The following AHCYL2 variants were observed in gnomAD, a reference collection of about 807,000 sequenced individuals.
AHCYL2 encodes the protein S-adenosylhomocysteine hydrolase-like protein 2.
AHCYL2 carries 28 observed loss-of-function variants against 81.4 expected under a neutral mutation model. The ratio of observed to expected loss-of-function variants is 0.34; its 90% CI spans 0.25 to 0.47. The LOEUF is 0.47. Among genes scored for constraint, AHCYL2 ranks in the 20% least tolerant of loss-of-function variants. The pLI, the probability that AHCYL2 is intolerant of heterozygous loss-of-function variation, is 1.00. For missense variants in AHCYL2, 551 were observed against 785.1 expected (o/e 0.70, Z 3.56); for synonymous variants, 272 against 290.2 (o/e 0.94, Z 0.64).
At chr7:129,343,513 G>A (rs1331639360) in intron 1 of AHCYL2, among the ~76,000 whole-genome samples, 1 of 152,136 alleles carries the variant, frequency 6.6e-6, no homozygotes, top group African/African-American at 2.4e-5. Context: ...AGAGCAATGG[G>A]AAGTTCCAGA....
intron 1 of AHCYL2, among the ~76,000 whole-genome samples, chr7:129,321,307 G>C (rs1314744360): frequency 6.6e-6 from 1 of 152,152 alleles, no homozygotes; most frequent in East Asian, 1.9e-4. Flanking sequence ...ATTTGTTGTA[G>C]ATGTTCTGTA....
At position 129,403,529 on chromosome 7, in the gene AHCYL2, A is replaced by G. The variant is rs111443622; in HGVS notation, c.1025+44A>G. Reference sequence around the variant, plus strand: ...ATACCTGGTTTTATGCAGTCTAGACATAAAATCTTATAAACACATACCTAT... The same window carrying G: ...ATACCTGGTTTTATGCAGTCTAGACGTAAAATCTTATAAACACATACCTAT... On this transcript the variant is annotated intron_variant, in intron 7 of 16. Coordinates refer to ENST00000325006, the MANE Select transcript of AHCYL2 (RefSeq NM_015328.4). The G allele has an allele frequency of 6.1e-5, 83 of 1,365,762 alleles. No individual in the cohort carries two copies. The African/African-American group carries it at 1.1e-3, about 18-fold the overall frequency. 84.6% of individuals were successfully genotyped at this position (1,365,762 alleles called of 1,614,324 possible). A position where few individuals can be genotyped will look rare whatever the true frequency, so the allele number is the denominator to read the frequency against.
Position 129,225,106 on chromosome 7 carries a change from T to C in AHCYL2, c.30T>C (p.Ala10=), listed in dbSNP as rs753132099. ...CGGTGCAGGTTGTGTCAGCCGCGGCTGCCGCCAAGGTGCCTGAGGTGGAGC... is the reference window on the plus strand; with the variant it reads ...CGGTGCAGGTTGTGTCAGCCGCGGCCGCCGCCAAGGTGCCTGAGGTGGAGC... MSVQVVSAA[A]AAKVPEVELK... Residue 10 remains alanine (A), a synonymous_variant, in exon 1 of 17, where the codon GCT becomes GCC. Coordinates refer to ENST00000325006, the MANE Select transcript of AHCYL2 (RefSeq NM_015328.4). The C allele has an allele frequency of 1.9e-6, 3 of 1,598,862 alleles. No individual in the cohort carries two copies. Among genetic ancestry groups the C allele is most frequent in the Non-Finnish European group, 2.6e-6 (3 of 1,174,076 alleles).
chr7:129,329,992 T>A (rs186682901), intron 1 of AHCYL2, among the ~76,000 whole-genome samples: 12 of 152,204 alleles, frequency 7.9e-5, no homozygotes, highest in African/African-American at 2.4e-4. Context: ...AAACCTTTTT[T>A]AAAAATTTAA....
intron 11 of AHCYL2, among the ~76,000 whole-genome samples, chr7:129,411,023 C>A (rs1161065653): frequency 6.6e-6 from 1 of 151,870 alleles, no homozygotes; most frequent in Non-Finnish European, 1.5e-5. Flanking sequence ...CCTCTGCTTC[C>A]CAAAGTGATG....
chr7:129,293,854 G>A (rs774975978), intron 1 of AHCYL2, among the ~76,000 whole-genome samples: 15 of 152,142 alleles, frequency 9.9e-5, no homozygotes, highest in Non-Finnish European at 1.6e-4. Context: ...GTATGAATTT[G>A]TATATAGTAT....
At chr7:129,345,316 G>A (rs950489750) in intron 1 of AHCYL2, among the ~76,000 whole-genome samples, 4 of 152,192 alleles carry the variant, frequency 2.6e-5, no homozygotes, top group Admixed American at 2.0e-4. Flanking sequence ...TGAAGAAGTT[G>A]AGGGGACAAA....
chr7:129,369,741 G>C (rs1357869746), intron 1 of AHCYL2, among the ~76,000 whole-genome samples: 1 of 152,028 alleles, frequency 6.6e-6, no homozygotes, highest in East Asian at 1.9e-4. Context: ...TGGTGGAGAT[G>C]GGGTTTCACC....
intron 1 of AHCYL2, among the ~76,000 whole-genome samples, chr7:129,356,402 A>G (rs1250304516): frequency 1.3e-5 from 2 of 152,282 alleles, no homozygotes; most frequent in South Asian, 2.1e-4. Context: ...ATGTTCCTCA[A>G]TTCTCCTACA....
intron 1 of AHCYL2, among the ~76,000 whole-genome samples, chr7:129,255,580 G>T (rs1164987374): frequency 6.6e-6 from 1 of 152,214 alleles, no homozygotes; most frequent in Non-Finnish European, 1.5e-5. Flanking sequence ...GTGTGTGTGT[G>T]TATGTGCGTG....
intron 15 of AHCYL2, 90 bp downstream of exon 15, chr7:129,425,231 ATGGGGG>A: frequency 2.6e-6 from 3 of 1,152,788 alleles, no homozygotes; most frequent in South Asian, 1.3e-5. Context: ...TTACTTAAGG[ATGGGGG>A]AAAAAAGGTA....
rs1171806901 is a variant in AHCYL2 at position 129,428,675 on chromosome 7, C to T, written c.*1630C>T. The T allele has an allele frequency of 6.6e-6, 1 of 152,214 alleles. No homozygotes were observed. Among genetic ancestry groups the T allele is most frequent in the Non-Finnish European group, 1.5e-5 (1 of 68,052 alleles). 9.4% of individuals were successfully genotyped at this position (152,214 alleles called of 1,614,324 possible). A position where few individuals can be genotyped will look rare whatever the true frequency, so the allele number is the denominator to read the frequency against. On this transcript the variant is annotated 3_prime_UTR_variant, in exon 17 of 17. Coordinates refer to ENST00000325006, the MANE Select transcript of AHCYL2 (RefSeq NM_015328.4). ...TCTCTTCTTCTACCTCTACCCTCTC[C>T]AACTTCTCCTGGTCTTCACATATAC...
chr7:129,361,543 T>C (rs1793930471), intron 1 of AHCYL2, among the ~76,000 whole-genome samples: 1 of 152,216 alleles, frequency 6.6e-6, no homozygotes, highest in Admixed American at 6.5e-5. Context: ...GAATTCTTCA[T>C]GTATAAGAAG....
intron 13 of AHCYL2, 74 bp from the exon 14 acceptor site, chr7:129,424,800 G>T: frequency 6.6e-7 from 1 of 1,524,706 alleles, no homozygotes; most frequent in Non-Finnish European, 9.1e-7. Flanking sequence ...TGGTGGTCAT[G>T]CTTCTCTTCC....
chr7:129,225,455 T>C lies in AHCYL2; in HGVS notation c.363+16T>C. ...AGTCAAGAAGGTACTGGGGCCGGGCTGCCTCTCTAGGAGAGGAAGGGAGGG... is the reference window on the plus strand; with the variant it reads ...AGTCAAGAAGGTACTGGGGCCGGGCCGCCTCTCTAGGAGAGGAAGGGAGGG... On this transcript the variant is annotated intron_variant, in intron 1 of 16. Coordinates refer to ENST00000325006, the MANE Select transcript of AHCYL2 (RefSeq NM_015328.4). 6.7e-7 allele frequency: 1 copy of C among 1,499,408 alleles called. No homozygotes were observed. The highest frequency in any genetic ancestry group is 8.8e-7 in the Non-Finnish European group (1 of 1,130,328). The allele number at this position is 1,499,408 out of a possible 1,614,324, so 92.9% of individuals were successfully genotyped here.
At chr7:129,389,900 C>T (rs1002626075) in intron 4 of AHCYL2, among the ~76,000 whole-genome samples, 166 bp downstream of exon 4, 4 of 152,238 alleles carry the variant, frequency 2.6e-5, no homozygotes, top group Admixed American at 1.3e-4. Flanking sequence ...ATTTTATAAA[C>T]GAAGAAGCTG....
intron 1 of AHCYL2, among the ~76,000 whole-genome samples, chr7:129,243,506 C>T (rs955323286): frequency 1.4e-4 from 22 of 152,088 alleles, no homozygotes; most frequent in Non-Finnish European, 3.1e-4. Context: ...ATCCTGGGGT[C>T]ATATTTTCAA....
At chr7:129,290,575 G>GA (rs1796809460) in intron 1 of AHCYL2, among the ~76,000 whole-genome samples, 1 of 151,782 alleles carries the variant, frequency 6.6e-6, no homozygotes. Flanking sequence ...GTGAGCTGAA[G>GA]AAAGTGCAGT....
intron 7 of AHCYL2, 23 bp from the exon 8 acceptor site, chr7:129,405,074 T>C (rs1281686701): frequency 1.3e-6 from 2 of 1,521,988 alleles, no homozygotes; most frequent in African/African-American, 1.4e-5. Flanking sequence ...GTGTTTTTTG[T>C]TCTTGGCTTC....
Sources: allele counts gnomAD v4.1 joint callset (sites outside exome capture counted in the v4.1 genomes callset), GRCh38; gene constraint gnomAD v4.1.1; transcripts MANE v1.5; gene names NCBI Gene and HGNC (gene_info 2026-07-23, HGNC 2026-07-21).